The following CYREN variants were observed in gnomAD, a reference collection of about 807,000 sequenced individuals.
The protein encoded by CYREN is cell cycle regulator of NHEJ.
CYREN carries 7 observed loss-of-function variants against 9.7 expected under a neutral mutation model. That is an observed-to-expected ratio of 0.72 (90% CI 0.41 to 1.36). The LOEUF (loss-of-function observed/expected upper bound fraction) is 1.36, where lower values mean the gene tolerates loss of function less well. Among genes scored for constraint, CYREN ranks in the 40% most tolerant of loss-of-function variants. The pLI is 0.01. For missense variants in CYREN, 215 were observed against 198.1 expected, an observed-to-expected ratio of 1.09 and a Z score of -0.51; for synonymous variants, 76 against 77.9, an observed-to-expected ratio of 0.98 and a Z score of 0.13.
At chr7:135,157,182 C>T (rs1033272698) in intron 2 of CYREN, among the ~76,000 whole-genome samples, 5 of 152,190 alleles carry the variant, frequency 3.3e-5, no homozygotes, top group African/African-American at 4.8e-5. Context: ...GATTTCTTTG[C>T]GTCTGGTGTA....
At chr7:135,114,792 C>A (rs1826095142) in intron 2 of CYREN, among the ~76,000 whole-genome samples, 1 of 152,170 alleles carries the variant, frequency 6.6e-6, no homozygotes, top group African/African-American at 2.4e-5. Flanking sequence ...ACAACCAGCA[C>A]AATCTTGTCC....
intron 2 of CYREN, chr7:135,134,925 G>T (rs1261390920): frequency 1.9e-6 from 3 of 1,550,916 alleles, no homozygotes; most frequent in Non-Finnish European, 2.6e-6. Flanking sequence ...TAATCCAAGG[G>T]GATGTTATGG....
intron 2 of CYREN, among the ~76,000 whole-genome samples, chr7:135,156,100 T>C (rs1829786153): frequency 6.6e-6 from 1 of 152,202 alleles, no homozygotes; most frequent in Non-Finnish European, 1.5e-5. Context: ...AGAATTCTGC[T>C]GAAAAGTCCT....
intron 2 of CYREN, among the ~76,000 whole-genome samples, chr7:135,149,767 A>AT (rs1046052146): frequency 1.2e-4 from 18 of 151,956 alleles, no homozygotes; most frequent in African/African-American, 3.9e-4. Flanking sequence ...AAGTTACAGA[A>AT]TTTTTTTTCA....
At chr7:135,139,214 G>A (rs112227646) in intron 2 of CYREN, among the ~76,000 whole-genome samples, 7,652 of 152,086 alleles carry the variant, frequency 0.05, 257 homozygotes, top group Non-Finnish European at 0.08. Flanking sequence ...CCTGCCAACA[G>A]TGTGTAAGCA....
intron 2 of CYREN, among the ~76,000 whole-genome samples, chr7:135,134,616 A>C (rs2117374179): frequency 6.6e-6 from 1 of 152,188 alleles, no homozygotes; most frequent in Non-Finnish European, 1.5e-5. Flanking sequence ...GTAGGTATCC[A>C]AATAAACATA....
chr7:135,139,455 T>C (rs1054574172), intron 2 of CYREN, among the ~76,000 whole-genome samples: 2 of 151,238 alleles, frequency 1.3e-5, no homozygotes, highest in South Asian at 2.1e-4. Flanking sequence ...TTGTTACGTT[T>C]TTTATAGATT....
chr7:135,167,010 G>A (rs1170450895), intron 3 of CYREN, 139 bp from the exon 4 acceptor site: 2 of 1,471,370 alleles, frequency 1.4e-6, no homozygotes, highest in Non-Finnish European at 1.8e-6. Context: ...CATATCCTGA[G>A]CACCCACCCT....
intron 2 of CYREN, among the ~76,000 whole-genome samples, chr7:135,118,166 T>C (rs1257611831): frequency 1.3e-5 from 2 of 152,210 alleles, no homozygotes; most frequent in Non-Finnish European, 2.9e-5. Flanking sequence ...CTTATGCTTT[T>C]TTTAATTAAG....
At chr7:135,152,110 T>C (rs1829678519) in intron 2 of CYREN, among the ~76,000 whole-genome samples, 1 of 152,234 alleles carries the variant, frequency 6.6e-6, no homozygotes, top group Non-Finnish European at 1.5e-5. Context: ...TTCATTTAAT[T>C]TCCATAACAT....
intron 2 of CYREN, chr7:135,128,791 G>T: frequency 8.1e-7 from 1 of 1,230,124 alleles, no homozygotes; most frequent in South Asian, 1.3e-5. Flanking sequence ...TTCTGGATCT[G>T]ATACAGACCA....
chr7:135,124,378 G>C (rs746707514), intron 2 of CYREN, among the ~76,000 whole-genome samples: 1 of 152,178 alleles, frequency 6.6e-6, no homozygotes, highest in Non-Finnish European at 1.5e-5. Context: ...CCCAATACAG[G>C]AGCACCCAGA....
At chr7:135,165,215 T>G, downstream of CYREN, 1 of 529,790 alleles carries the variant, frequency 1.9e-6, no homozygotes, top group Non-Finnish European at 3.4e-6. Flanking sequence ...CTTCAGGACT[T>G]CCAAGGCTCC....
Position 135,144,938 on chromosome 7 carries a change from T to TAAAAAAAAAAAAA in CYREN, n.356+23798_356+23810dup, listed in dbSNP as rs58443282. ...ACAGAGAGACCCTGTCTCAAAAGAG[T>TAAAAAAAAAAAAA]AAAAAAAAAAAAAAAAAAAAAAAAA... On this transcript the variant is annotated intron_variant and non_coding_transcript_variant, in intron 2 of 2. Transcript: ENST00000459937. Among the ~76,000 whole-genome samples, 27 of 45,624 alleles carry TAAAAAAAAAAAAA rather than the reference T, an allele frequency of 5.9e-4. 2 individuals carry two copies. The highest frequency in any genetic ancestry group is 1.1e-3 in the East Asian group (1 of 874). 29.9% of individuals were successfully genotyped at this position (45,624 alleles called of 152,430 possible).
In CYREN at chr7:135,169,068, G is replaced by A. The variant is rs1830451478; in HGVS notation, c.-138-8C>T. The A allele has an allele frequency of 4.0e-6, 3 of 755,730 alleles. No homozygotes were observed. Among genetic ancestry groups the A allele is most frequent in the South Asian group, 1.9e-5 (1 of 51,394 alleles). The allele number at this position is 755,730 out of a possible 1,614,324, so 46.8% of individuals were successfully genotyped here. ...GGAGTTGATCTTTGATTCCTACAAA[G>A]AACAATAAAGTCCGGTGAATTCCCA... On this transcript the variant is annotated splice_polypyrimidine_tract_variant and splice_region_variant and intron_variant, in intron 1 of 3. Transcript: ENST00000393114.
chr7:135,121,803 G>A (rs1827170921), intron 2 of CYREN, among the ~76,000 whole-genome samples: 1 of 152,136 alleles, frequency 6.6e-6, no homozygotes, highest in South Asian at 2.1e-4. Flanking sequence ...GCCACACAGG[G>A]CAGGAGAGCA....
chr7:135,105,601 T>C (rs1010351114), intron 2 of CYREN, among the ~76,000 whole-genome samples: 10 of 152,240 alleles, frequency 6.6e-5, no homozygotes, highest in Non-Finnish European at 1.3e-4. Context: ...GTGTCTGTTT[T>C]TGTACAGTAC....
intron 2 of CYREN, among the ~76,000 whole-genome samples, chr7:135,114,726 C>T (rs1234665798): frequency 6.6e-6 from 1 of 152,182 alleles, no homozygotes; most frequent in Non-Finnish European, 1.5e-5. Flanking sequence ...CTGAAGCCTT[C>T]CAAGAGATCT....
At chr7:135,160,375 T>C (rs1025287528) in intron 2 of CYREN, among the ~76,000 whole-genome samples, 1 of 152,210 alleles carries the variant, frequency 6.6e-6, no homozygotes, top group Non-Finnish European at 1.5e-5. Flanking sequence ...TAAAAGCTCA[T>C]TGTGGTGGAA....
Sources: allele counts gnomAD v4.1 joint callset (sites outside exome capture counted in the v4.1 genomes callset), GRCh38; gene constraint gnomAD v4.1.1; transcripts MANE v1.5; gene names NCBI Gene and HGNC (gene_info 2026-07-23, HGNC 2026-07-21).